TRRAP: variants seen among roughly 807,000 people sequenced by gnomAD.
TRRAP encodes transformation/transcription domain-associated protein.
A neutral mutation model predicts 438.8 loss-of-function variants in TRRAP; 41 were observed. The observed-to-expected ratio is 0.09, with a 90% CI of 0.07 to 0.12. The LOEUF (loss-of-function observed/expected upper bound fraction) is 0.12. Among genes scored for constraint, TRRAP ranks in the 10% least tolerant of loss-of-function variants. The pLI, the probability that TRRAP is intolerant of heterozygous loss-of-function variation, is 1.00. For missense variants in TRRAP, 3,122 were observed against 5,055.1 expected, an observed-to-expected ratio of 0.62 and a Z score of 11.60; for synonymous variants, 1,994 against 1,962.9, an observed-to-expected ratio of 1.02 and a Z score of -0.42.
intron 7 of TRRAP, among the ~76,000 whole-genome samples, chr7:98,896,217 T>G (rs1796196770): frequency 1.3e-5 from 2 of 152,120 alleles, no homozygotes; most frequent in South Asian, 4.1e-4. Flanking sequence ...ATTTTCAGTT[T>G]TTTTTTAAAT....
chr7:98,900,194 A>G (rs1174447286), intron 10 of TRRAP, among the ~76,000 whole-genome samples: 1 of 151,134 alleles, frequency 6.6e-6, no homozygotes, highest in East Asian at 2.0e-4. Flanking sequence ...TCTCAAACCT[A>G]AGGACGTTCC....
At chr7:98,913,739 A>G (rs926770085) in intron 18 of TRRAP, among the ~76,000 whole-genome samples, 3 of 152,210 alleles carry the variant, frequency 2.0e-5, no homozygotes, top group Non-Finnish European at 4.4e-5. Flanking sequence ...AAGATGTCCC[A>G]TCATACATTT....
chr7:98,951,865 G>A (rs782487316), intron 39 of TRRAP, among the ~76,000 whole-genome samples: 1 of 152,132 alleles, frequency 6.6e-6, no homozygotes, highest in Non-Finnish European at 1.5e-5. Context: ...CCTTATTCTG[G>A]GCAAGTGTAG....
intron 6 of TRRAP, among the ~76,000 whole-genome samples, chr7:98,894,227 A>T (rs368649511): frequency 5.3e-5 from 8 of 152,328 alleles, no homozygotes; most frequent in African/African-American, 1.9e-4. Flanking sequence ...CACCTCTGCA[A>T]TTCAGTAGCT....
Position 98,961,490 on chromosome 7 carries a change from C to T in TRRAP, c.6703+16C>T, listed in dbSNP as rs746886590. The T allele has an allele frequency of 2.0e-5, 33 of 1,610,804 alleles. No homozygotes were observed. In the African/African-American group the frequency reaches 3.7e-4, roughly 18 times the overall value. ...ACAGAGCCGAGTATGTGACCTTTCC[C>T]ACCGGTGCTTTTCTTTCAAAGTGGA... On this transcript the variant is annotated intron_variant, in intron 46 of 72. Transcript: ENST00000456197.
Position 98,997,483 on chromosome 7 carries a change from C to CAAAAAAAAAAAAA in TRRAP, c.10309+2652_10309+2664dup, listed in dbSNP as rs61132070. On this transcript the variant is annotated intron_variant, in intron 67 of 72. Coordinates refer to ENST00000456197, the MANE Select transcript of TRRAP (RefSeq NM_001375524.1). ...ATTATCACCCAAAACACTGCTGTTG[C>CAAAAAAAAAAAAA]AAAAAAAAAAAAAAAAAAAAAAAAA... 5.9e-4 allele frequency among the ~76,000 whole-genome samples: 25 copies of CAAAAAAAAAAAAA among 42,622 alleles called. 2 individuals carry two copies. Among genetic ancestry groups the CAAAAAAAAAAAAA allele is most frequent in the East Asian group, 3.2e-3 (3 of 940 alleles). 28.0% of individuals were successfully genotyped at this position (42,622 alleles called of 152,430 possible).
chr7:98,949,602 C>A lies in TRRAP; in HGVS notation c.4953+21C>A. ...TCAAGGTAGCGCCCCTTCCTCCAGCCCCCAATGCCCAGGGGTTTAATCGAG... is the reference window on the plus strand; with the variant it reads ...TCAAGGTAGCGCCCCTTCCTCCAGCACCCAATGCCCAGGGGTTTAATCGAG... On this transcript the variant is annotated intron_variant, in intron 36 of 72. Coordinates refer to ENST00000456197, the MANE Select transcript of TRRAP (RefSeq NM_001375524.1). 2 of 1,586,466 alleles carry A rather than the reference C, an allele frequency of 1.3e-6. 1 individual carries two copies. The highest frequency in any genetic ancestry group is 2.3e-5 in the South Asian group (2 of 86,840).
At chr7:98,924,580 T>G (rs1350605819) in intron 21 of TRRAP, among the ~76,000 whole-genome samples, 1 of 149,512 alleles carries the variant, frequency 6.7e-6, no homozygotes, top group African/African-American at 2.5e-5. Context: ...TCCCAGCTAC[T>G]CGGGAGGCTG....
chr7:98,977,217 A>G (rs911742879), intron 56 of TRRAP, 141 bp downstream of exon 56: 4 of 1,200,564 alleles, frequency 3.3e-6, no homozygotes, highest in Non-Finnish European at 4.6e-6. Flanking sequence ...CCTGGAGTGC[A>G]GTGGCACAAT....
intron 27 of TRRAP, among the ~76,000 whole-genome samples, chr7:98,934,937 T>C (rs202130904): frequency 1.3e-5 from 2 of 152,136 alleles, no homozygotes; most frequent in East Asian, 3.9e-4. Flanking sequence ...GTTGGAATCT[T>C]TTAAGGGGGA....
At chr7:98,914,488 A>G (rs910229882) in intron 18 of TRRAP, among the ~76,000 whole-genome samples, 2 of 152,076 alleles carry the variant, frequency 1.3e-5, no homozygotes, top group Non-Finnish European at 2.9e-5. Context: ...TTTTTTTGCC[A>G]GCATTAGATA....
intron 30 of TRRAP, among the ~76,000 whole-genome samples, chr7:98,940,045 C>T (rs1299989104): frequency 4.6e-5 from 7 of 151,964 alleles, no homozygotes; most frequent in Non-Finnish European, 1.0e-4. Context: ...CCACACCCAG[C>T]TAATTTTTTG....
intron 1 of TRRAP, among the ~76,000 whole-genome samples, chr7:98,879,678 T>TC (rs1371342684): frequency 6.6e-6 from 1 of 152,080 alleles, no homozygotes; most frequent in Non-Finnish European, 1.5e-5. Context: ...CTTGACAAAC[T>TC]CCCCCGCCTT....
rs1796893521 is a variant in TRRAP at position 98,908,474 on chromosome 7, CA to C, written c.1116-253del. On this transcript the variant is annotated intron_variant, in intron 13 of 72. Coordinates refer to ENST00000456197, the MANE Select transcript of TRRAP (RefSeq NM_001375524.1). This position sits in a 1 kb window ranked among gnomAD's most constrained non-coding sequence, Gnocchi z 4.1. ...TCCTCCTTGGCTTAGCTGTATGTGCCAGCATCTATTAGTAACTTTATGACGT... is the reference window on the plus strand; with the variant it reads ...TCCTCCTTGGCTTAGCTGTATGTGCCGCATCTATTAGTAACTTTATGACGT... Among the ~76,000 whole-genome samples, 1 of 152,204 alleles carries C rather than the reference CA, an allele frequency of 6.6e-6. No individual in the cohort carries two copies. The highest frequency in any genetic ancestry group is 6.5e-5 in the Admixed American group (1 of 15,282).
At chr7:98,909,174 C>T (rs1796936439) in intron 14 of TRRAP, among the ~76,000 whole-genome samples, 1 of 151,868 alleles carries the variant, frequency 6.6e-6, no homozygotes, top group African/African-American at 2.4e-5. Context: ...TAGGCATGCA[C>T]CATCATGCCC....
At chr7:98,967,368 C>T (rs1450403792) in intron 50 of TRRAP, 117 bp from the exon 51 acceptor site, 22 of 1,327,498 alleles carry the variant, frequency 1.7e-5, no homozygotes, top group Non-Finnish European at 2.2e-5. Flanking sequence ...TTATAACATA[C>T]TCTTGGTTTT....
chr7:98,913,704 C>A (rs1409296426), intron 18 of TRRAP, among the ~76,000 whole-genome samples: 1 of 152,168 alleles, frequency 6.6e-6, no homozygotes, highest in Non-Finnish European at 1.5e-5. Context: ...TCAGTCTGTG[C>A]TTCTTTATTA....
intron 67 of TRRAP, among the ~76,000 whole-genome samples, chr7:99,000,784 G>A (rs1416924373): frequency 6.6e-6 from 1 of 152,162 alleles, no homozygotes; most frequent in Non-Finnish European, 1.5e-5. Context: ...CACCCTGAAG[G>A]GTCGTGGCCA....
rs78608173 is a variant in TRRAP, at chr7:98,923,605, T to G, written c.2824-1507T>G. ...TAAAATTTTAGAAAGTACCACCATTTACAACTGCTACTGATCAGATCACAT... is the reference window on the plus strand; with the variant it reads ...TAAAATTTTAGAAAGTACCACCATTGACAACTGCTACTGATCAGATCACAT... On this transcript the variant is annotated intron_variant, in intron 21 of 72. Coordinates refer to ENST00000456197, the MANE Select transcript of TRRAP (RefSeq NM_001375524.1). Among the ~76,000 whole-genome samples the G allele has an allele frequency of 6.1e-3, 937 of 152,366 alleles. 10 individuals carry two copies. Among genetic ancestry groups the G allele is most frequent in the African/African-American group, 0.021 (873 of 41,582 alleles).
Sources: allele counts gnomAD v4.1 joint callset (sites outside exome capture counted in the v4.1 genomes callset), GRCh38; gene constraint gnomAD v4.1.1; non-coding constraint Gnocchi (gnomAD v3.1); transcripts MANE v1.5; gene names NCBI Gene and HGNC (gene_info 2026-07-23, HGNC 2026-07-21).